Variants in BARD1 observed in about 807,000 individuals in gnomAD.
BARD1 encodes the protein BRCA1-associated RING domain protein 1.
Under a neutral mutation model 77.0 loss-of-function variants are expected in BARD1, and 73 were observed. The observed-to-expected ratio is 0.95, with a 90% CI of 0.79 to 1.15. BARD1 has a LOEUF of 1.15. BARD1 is among the 50% of genes most tolerant of loss of function. BARD1 has a pLI of 0.00. For missense variants in BARD1, 993 were observed against 938.8 expected (o/e 1.06, Z -0.75); for synonymous variants, 384 against 338.0 (o/e 1.14, Z -1.49).
rs1375582645 is a variant in BARD1, at chr2:214,767,472, A to C, written c.1568+10T>G. 1 of 1,611,584 alleles carries C rather than the reference A, an allele frequency of 6.2e-7. No individual in the cohort carries two copies. Among genetic ancestry groups the C allele is most frequent in the Admixed American group, 1.7e-5 (1 of 59,982 alleles). ...CATTTTAAAAATAATTTTTACGTTG[A>C]ACTACTTACACAGCATTTCTGGAGG... On this transcript the variant is annotated intron_variant, in intron 6 of 10. Coordinates refer to ENST00000260947, the MANE Select transcript of BARD1 (RefSeq NM_000465.4).
At chr2:214,731,199 C>A (rs1279842743) in intron 9 of BARD1, 1 of 201,052 alleles carries the variant, frequency 5.0e-6, no homozygotes, top group African/African-American at 2.3e-5. Flanking sequence ...GGTTAAAAAG[C>A]AAAAGCAATA....
intron 2 of BARD1, 114 bp from the exon 3 acceptor site, chr2:214,792,559 G>A (rs2106136311): frequency 2.0e-6 from 2 of 1,007,996 alleles, no homozygotes; most frequent in South Asian, 1.7e-5. Flanking sequence ...AACATACAAT[G>A]GTCAATTGTA....
At chr2:214,797,174 C>T (rs1695799232) in intron 1 of BARD1, 57 bp from the exon 2 acceptor site, 2 of 1,359,978 alleles carry the variant, frequency 1.5e-6, no homozygotes, top group Non-Finnish European at 1.1e-6. Context: ...AAACATCTCA[C>T]ACCCAATATT....
chr2:214,776,511 A>T (rs1410803965), intron 4 of BARD1, among the ~76,000 whole-genome samples: 1 of 152,224 alleles, frequency 6.6e-6, no homozygotes, highest in Non-Finnish European at 1.5e-5. Context: ...ATGAGTTATG[A>T]AGATATTCAA....
At chr2:214,803,566 T>C (rs1173299929) in intron 1 of BARD1, among the ~76,000 whole-genome samples, 2 of 152,242 alleles carry the variant, frequency 1.3e-5, no homozygotes, top group African/African-American at 4.8e-5. Context: ...ATCCTTTACC[T>C]TGTCTATGTT....
At chr2:214,775,862 A>C (rs1694717023) in intron 4 of BARD1, among the ~76,000 whole-genome samples, 1 of 152,212 alleles carries the variant, frequency 6.6e-6, no homozygotes, top group Non-Finnish European at 1.5e-5. Flanking sequence ...AAAATATCAC[A>C]TATGCCAAGG....
intron 1 of BARD1, among the ~76,000 whole-genome samples, chr2:214,806,978 A>G (rs949946742): frequency 2.6e-5 from 4 of 152,034 alleles, no homozygotes; most frequent in Admixed American, 1.3e-4. Context: ...TCGACAGTTT[A>G]GCAACTATTG....
intron 9 of BARD1, among the ~76,000 whole-genome samples, chr2:214,735,233 C>G (rs371537969): frequency 6.6e-6 from 1 of 152,140 alleles, no homozygotes; most frequent in Admixed American, 6.6e-5. Context: ...CACTTCAGCA[C>G]TGTATTATGA....
rs758552128 is a variant in BARD1, at chr2:214,752,501, C to T, written c.1623G>A (p.Ser541=). The T allele has an allele frequency of 2.5e-6, 4 of 1,613,722 alleles. No individual in the cohort carries two copies. Among genetic ancestry groups the T allele is most frequent in the East Asian group, 2.2e-5 (1 of 44,822 alleles). Residue 541 remains serine, a synonymous_variant, in exon 7 of 11, where the codon TCG becomes TCA. Transcript: ENST00000260947. ...CATTCTTCTCTGGTAGCAGCAATAG[C>T]GATTTCATACTTTCATCATCTGTAT... ...VDYTDDESMK[S]LLLLPEKNES... is the part of the protein sequence containing the mutation.
intron 9 of BARD1, among the ~76,000 whole-genome samples, chr2:214,742,869 A>T (rs962345344): frequency 6.6e-6 from 1 of 152,196 alleles, no homozygotes; most frequent in African/African-American, 2.4e-5. Flanking sequence ...ATGAAAATCT[A>T]TTTCTCCTTA....
Position 214,728,062 on chromosome 2 carries a change from A to T in BARD1, c.*614T>A, listed in dbSNP as rs563894505. The T allele has an allele frequency of 4.4e-6, 1 of 226,862 alleles. No homozygotes were observed. Among genetic ancestry groups the T allele is most frequent in the African/African-American group, 2.2e-5 (1 of 45,152 alleles). The allele number at this position is 226,862 out of a possible 1,614,324, so 14.1% of individuals were successfully genotyped here. On this transcript the variant is annotated 3_prime_UTR_variant, in exon 11 of 11. Transcript: ENST00000260947. ...CCACACACACAAAAAAACCAATGTT[A>T]ATGATTAAATCACAATTTCCTGATG... is the stretch of plus-strand genomic sequence containing the variant.
At chr2:214,753,729 T>C (rs542105722) in intron 6 of BARD1, among the ~76,000 whole-genome samples, 1 of 152,250 alleles carries the variant, frequency 6.6e-6, no homozygotes, top group African/African-American at 2.4e-5. Flanking sequence ...TGGTGAAAAC[T>C]GTTTTGATGG....
intron 6 of BARD1, among the ~76,000 whole-genome samples, chr2:214,766,532 T>A: frequency 6.6e-6 from 1 of 152,286 alleles, no homozygotes; most frequent in Non-Finnish European, 1.5e-5. Flanking sequence ...AATTGACAAC[T>A]GTTTCTGAAT....
intron 1 of BARD1, among the ~76,000 whole-genome samples, chr2:214,803,647 C>T (rs1696133840): frequency 1.3e-5 from 2 of 152,180 alleles, no homozygotes; most frequent in African/African-American, 2.4e-5. Flanking sequence ...CTGACACATC[C>T]CCCTCTCGGA....
At chr2:214,802,299 T>C (rs1436545674) in intron 1 of BARD1, among the ~76,000 whole-genome samples, 1 of 152,184 alleles carries the variant, frequency 6.6e-6, no homozygotes, top group African/African-American at 2.4e-5. Flanking sequence ...AAACACTTTA[T>C]TATAAAATAG....
At position 214,781,278 on chromosome 2, in the gene BARD1, G is replaced by A. The variant is rs1695013323; in HGVS notation, c.596C>T (p.Ser199Phe). The change falls in exon 4 of 11, where the codon TCT becomes TTT. Residue 199 changes from serine to phenylalanine, a missense_variant. Coordinates refer to ENST00000260947, the MANE Select transcript of BARD1 (RefSeq NM_000465.4). Reference sequence around the variant, plus strand: ...TTTTTGCTTTTTTCCAGATCTTGCAGAAGCCTTTTTAGCCCTCTCAGAAAC... The same window carrying A: ...TTTTTGCTTTTTTCCAGATCTTGCAAAAGCCTTTTTAGCCCTCTCAGAAAC... ...ADVSERAKKA[S>F]ARSGKKQKKK... 1 of 1,600,542 alleles carries A rather than the reference G, an allele frequency of 6.2e-7. No homozygotes were observed. Among genetic ancestry groups the A allele is most frequent in the Non-Finnish European group, 8.5e-7 (1 of 1,176,714 alleles).
In BARD1 at chr2:214,809,511, G is replaced by C. The variant is rs753686197; in HGVS notation, c.59C>G (p.Pro20Arg). Reference protein sequence around the residue: ...RQPRIRSGNEPRSAPAMEPDG... With the variant: ...RQPRIRSGNERRSAPAMEPDG... ...CGGTTCCATGGCGGGCGCGGAACGA[G>C]GCTCGTTCCCGGAGCGGATCCTCGG... The change falls in exon 1 of 11, where the codon CCT becomes CGT. Residue 20 changes from proline (P) to arginine (R), a missense_variant. By Grantham distance (103) the Pro-to-Arg change is moderately radical. Transcript: ENST00000260947. 1 of 1,600,468 alleles carries C rather than the reference G, an allele frequency of 6.2e-7. No homozygotes were observed. Among genetic ancestry groups the C allele is most frequent in the Non-Finnish European group, 8.5e-7 (1 of 1,175,376 alleles).
intron 2 of BARD1, 101 bp downstream of exon 2, chr2:214,796,960 G>A: frequency 1.0e-6 from 1 of 964,614 alleles, no homozygotes; most frequent in South Asian, 1.3e-5. Context: ...GACTTTGAAA[G>A]TTACACAAAC....
At chr2:214,790,647 G>T (rs1288951450) in intron 3 of BARD1, among the ~76,000 whole-genome samples, 1 of 152,122 alleles carries the variant, frequency 6.6e-6, no homozygotes, top group African/African-American at 2.4e-5. Context: ...TCTAGCAAAT[G>T]AATACATTAC....
Sources: allele counts gnomAD v4.1 joint callset (sites outside exome capture counted in the v4.1 genomes callset), GRCh38; gene constraint gnomAD v4.1.1; transcripts MANE v1.5; gene names NCBI Gene and HGNC (gene_info 2026-07-23, HGNC 2026-07-21).